SLC9A9: variants seen among roughly 807,000 people sequenced by gnomAD.
The protein encoded by SLC9A9 is sodium/hydrogen exchanger 9.
Under a neutral mutation model 77.8 loss-of-function variants are expected in SLC9A9, and 62 were observed. The observed-to-expected ratio is 0.80, with a 90% CI of 0.65 to 0.98. SLC9A9 has a LOEUF of 0.98. Among genes scored for constraint, SLC9A9 ranks in the 50% least tolerant of loss-of-function variants. The pLI, the probability that SLC9A9 is intolerant of heterozygous loss-of-function variation, is 0.00. For synonymous variants in SLC9A9, 320 were observed against 283.5 expected (o/e 1.13, Z -1.29); for missense variants, 775 against 774.9 (o/e 1.00, Z 0.00).
intron 14 of SLC9A9, among the ~76,000 whole-genome samples, chr3:143,317,582 C>T (rs1443489036): frequency 2.0e-5 from 3 of 152,230 alleles, no homozygotes; most frequent in African/African-American, 7.2e-5. Flanking sequence ...TGTAGATCCT[C>T]TGGCTACAGG....
chr3:143,597,370 GCAGA>G (rs1327208788), intron 6 of SLC9A9, among the ~76,000 whole-genome samples: 1 of 152,202 alleles, frequency 6.6e-6, no homozygotes, highest in Non-Finnish European at 1.5e-5. Context: ...TGTCCTTCTT[GCAGA>G]CAGACAGGAG....
At chr3:143,337,543 T>C (rs564441105) in intron 14 of SLC9A9, among the ~76,000 whole-genome samples, 5 of 152,324 alleles carry the variant, frequency 3.3e-5, no homozygotes, top group Admixed American at 3.3e-4. Context: ...GACTGTGGAC[T>C]TTCCCAGAGC....
At chr3:143,811,243 T>C (rs1256505163) in intron 2 of SLC9A9, among the ~76,000 whole-genome samples, 1 of 152,240 alleles carries the variant, frequency 6.6e-6, no homozygotes, top group Non-Finnish European at 1.5e-5. Flanking sequence ...GGAAACATCA[T>C]GGCTCAGGCA....
chr3:143,616,768 A>G (rs1193009264), intron 6 of SLC9A9, among the ~76,000 whole-genome samples: 1 of 152,190 alleles, frequency 6.6e-6, no homozygotes, highest in Non-Finnish European at 1.5e-5. Context: ...AAGGATGTTT[A>G]GTGACACCTT....
chr3:143,441,760 G>A (rs562389090), intron 12 of SLC9A9, among the ~76,000 whole-genome samples: 1 of 151,882 alleles, frequency 6.6e-6, no homozygotes, highest in Non-Finnish European at 1.5e-5. Context: ...CCCCATCTCC[G>A]CCCTGTACTA....
At chr3:143,693,456 T>C (rs1271700508) in intron 4 of SLC9A9, 149 bp from the exon 5 acceptor site, 4 of 681,458 alleles carry the variant, frequency 5.9e-6, no homozygotes, top group East Asian at 2.7e-5. Context: ...GCTAGGTCTC[T>C]GTACACTGGA....
At chr3:143,549,117 C>T (rs1400770427) in intron 9 of SLC9A9, among the ~76,000 whole-genome samples, 1 of 152,220 alleles carries the variant, frequency 6.6e-6, no homozygotes, top group Non-Finnish European at 1.5e-5. Flanking sequence ...TAATACTTCC[C>T]AAACCTTTCC....
At chr3:143,508,400 T>C (rs1381466321) in intron 9 of SLC9A9, among the ~76,000 whole-genome samples, 1 of 152,242 alleles carries the variant, frequency 6.6e-6, no homozygotes, top group Non-Finnish European at 1.5e-5. Flanking sequence ...CATTAGATCA[T>C]CAGGACAAAC....
chr3:143,502,306 G>A (rs1398140475), intron 9 of SLC9A9, among the ~76,000 whole-genome samples: 1 of 143,262 alleles, frequency 7.0e-6, no homozygotes, highest in African/African-American at 3.0e-5. Context: ...CAAGACTGGG[G>A]AAGTATTTAA....
intron 4 of SLC9A9, among the ~76,000 whole-genome samples, chr3:143,791,512 C>G (rs551596511): frequency 6.6e-6 from 1 of 152,184 alleles, no homozygotes; most frequent in African/African-American, 2.4e-5. Flanking sequence ...GGATGCTGGA[C>G]TTCATGGCCT....
intron 14 of SLC9A9, among the ~76,000 whole-genome samples, chr3:143,293,923 C>T (rs945968550): frequency 6.6e-6 from 1 of 151,968 alleles, no homozygotes; most frequent in Non-Finnish European, 1.5e-5. Context: ...GAATTAGGAA[C>T]CAGCGTTAAA....
intron 14 of SLC9A9, among the ~76,000 whole-genome samples, chr3:143,269,597 A>G (rs1484938287): frequency 6.6e-6 from 1 of 152,228 alleles, no homozygotes; most frequent in Non-Finnish European, 1.5e-5. Context: ...CTAACAAGAG[A>G]AAAACTTGTT....
intron 6 of SLC9A9, among the ~76,000 whole-genome samples, chr3:143,593,879 C>A (rs555042706): frequency 6.6e-6 from 1 of 152,172 alleles, no homozygotes; most frequent in African/African-American, 2.4e-5. Context: ...ATAAACCCCA[C>A]AAACCTAATG....
At chr3:143,812,033 T>G (rs1436800270) in intron 2 of SLC9A9, among the ~76,000 whole-genome samples, 1 of 151,092 alleles carries the variant, frequency 6.6e-6, no homozygotes, top group Non-Finnish European at 1.5e-5. Flanking sequence ...GAAGGTAAAG[T>G]CCAACAGGAG....
intron 12 of SLC9A9, among the ~76,000 whole-genome samples, chr3:143,461,770 A>G (rs1525011): frequency 0.29 from 44,068 of 152,012 alleles, 6,665 homozygotes; most frequent in East Asian, 0.49. Context: ...TGCTAGAAAG[A>G]AAACCAAACA....
At chr3:143,343,130 G>T (rs1300662357) in intron 14 of SLC9A9, among the ~76,000 whole-genome samples, 1 of 152,154 alleles carries the variant, frequency 6.6e-6, no homozygotes, top group African/African-American at 2.4e-5. Context: ...ACACCCAGAG[G>T]AGGAGATAAT....
At chr3:143,677,805 G>A (rs987597074) in intron 5 of SLC9A9, among the ~76,000 whole-genome samples, 1 of 148,560 alleles carries the variant, frequency 6.7e-6, no homozygotes, top group East Asian at 2.0e-4. Context: ...GTGTGTCTAT[G>A]AATTGCCTCT....
Position 143,266,247 on chromosome 3 carries a change from C to G in SLC9A9, c.*455G>C. ...CTCAAAATAAGAAACTTATCACTTA[C>G]TAAATAGCTGGGCATTCCCTTCAGC... On this transcript the variant is annotated 3_prime_UTR_variant, in exon 16 of 16. Coordinates refer to ENST00000316549, the MANE Select transcript of SLC9A9 (RefSeq NM_173653.4). The G allele has an allele frequency of 3.2e-6, 2 of 618,382 alleles. No individual in the cohort carries two copies. Among genetic ancestry groups the G allele is most frequent in the Admixed American group, 2.8e-5 (1 of 36,172 alleles). The allele number at this position is 618,382 out of a possible 1,614,324, so 38.3% of individuals were successfully genotyped here. A position where few individuals can be genotyped will look rare whatever the true frequency, so the allele number is the denominator to read the frequency against.
At chr3:143,815,972 C>T (rs76135742) in intron 2 of SLC9A9, among the ~76,000 whole-genome samples, 1 of 152,278 alleles carries the variant, frequency 6.6e-6, no homozygotes, top group East Asian at 1.9e-4. Context: ...TGTTCAGAGG[C>T]AGCACCAAGC....
Sources: allele counts gnomAD v4.1 joint callset (sites outside exome capture counted in the v4.1 genomes callset), GRCh38; gene constraint gnomAD v4.1.1; transcripts MANE v1.5; gene names NCBI Gene and HGNC (gene_info 2026-07-23, HGNC 2026-07-21).